CDH12: variants seen among roughly 807,000 people sequenced by gnomAD.
The protein encoded by CDH12 is cadherin-12.
Under a neutral mutation model 74.1 loss-of-function variants are expected in CDH12, and 41 were observed. That is an observed-to-expected ratio of 0.55 (90% CI 0.43 to 0.72). The LOEUF (loss-of-function observed/expected upper bound fraction) is 0.72, where lower values mean the gene tolerates loss of function less well. CDH12 is among the 30% of genes least tolerant of loss of function. The pLI, the probability that CDH12 is intolerant of heterozygous loss-of-function variation, is 0.00. For missense variants in CDH12, 945 were observed against 977.2 expected (o/e 0.97, Z 0.44); for synonymous variants, 399 against 355.0 (o/e 1.12, Z -1.39).
chr5:22,829,580 G>A (rs1259034579), intron 1 of CDH12, among the ~76,000 whole-genome samples: 2 of 152,188 alleles, frequency 1.3e-5, no homozygotes, highest in African/African-American at 4.8e-5. Context: ...GCTTGGCTAT[G>A]TGTCTTGTTT....
At chr5:22,132,098 T>C (rs912082835) in intron 4 of CDH12, among the ~76,000 whole-genome samples, 7 of 152,200 alleles carry the variant, frequency 4.6e-5, no homozygotes, top group African/African-American at 1.4e-4. Context: ...CCTCCCTCTC[T>C]GTCTCTATTT....
Position 22,078,342 on chromosome 5 carries a change from C to T in CDH12, c.231+104G>A. The T allele has an allele frequency of 4.3e-6, 4 of 933,010 alleles. No individual in the cohort carries two copies. The South Asian group carries it at 6.3e-5, about 15-fold the overall frequency. The allele number at this position is 933,010 out of a possible 1,614,324, so 57.8% of individuals were successfully genotyped here. The stretch of plus-strand genomic sequence containing the variant: ...TCTCTTGGATTTCAATTCCAGTGTT[C>T]TAGTCACTGGTTTGTTCAACTCCTG... On this transcript the variant is annotated intron_variant, in intron 5 of 14. Transcript: ENST00000382254.
At chr5:22,688,288 C>A (rs572336891) in intron 1 of CDH12, among the ~76,000 whole-genome samples, 7 of 152,110 alleles carry the variant, frequency 4.6e-5, no homozygotes, top group Admixed American at 2.6e-4. Flanking sequence ...AGAATAAAAT[C>A]GTTATTTGCC....
At chr5:21,883,458 A>T in intron 6 of CDH12, 1 of 1,610,900 alleles carries the variant, frequency 6.2e-7, no homozygotes, top group Admixed American at 1.7e-5. Flanking sequence ...CATCTTGAAT[A>T]GGCTAAAGGT....
intron 1 of CDH12, among the ~76,000 whole-genome samples, chr5:22,574,441 C>G (rs1014539658): frequency 6.6e-6 from 1 of 151,994 alleles, no homozygotes; most frequent in African/African-American, 2.4e-5. Flanking sequence ...TTACACTGTG[C>G]CATTTATCTG....
chr5:22,757,746 C>A (rs1580969695), intron 1 of CDH12, among the ~76,000 whole-genome samples: 1 of 152,138 alleles, frequency 6.6e-6, no homozygotes, highest in Non-Finnish European at 1.5e-5. Flanking sequence ...GCTTTGTCCT[C>A]CTCTCAATAA....
intron 2 of CDH12, 104 bp from the exon 3 acceptor site, chr5:22,405,455 T>C (rs990498823): frequency 1.8e-5 from 3 of 167,834 alleles, no homozygotes; most frequent in Non-Finnish European, 3.6e-5. Flanking sequence ...CACATCTCTA[T>C]GAAACTTTGA....
chr5:21,811,863 C>G (rs921871681), intron 9 of CDH12, among the ~76,000 whole-genome samples: 2 of 149,436 alleles, frequency 1.3e-5, no homozygotes, highest in Non-Finnish European at 2.9e-5. Flanking sequence ...TTCGAAGTGT[C>G]ACAGTGAAAT....
At chr5:22,245,917 A>G (rs1427518078) in intron 3 of CDH12, among the ~76,000 whole-genome samples, 1 of 152,128 alleles carries the variant, frequency 6.6e-6, no homozygotes, top group Admixed American at 6.5e-5. Context: ...TGGTAGAAAG[A>G]TTTATGACCT....
In CDH12 at chr5:21,751,749, A is replaced by G. The variant is rs772689581; in HGVS notation, c.2373T>C (p.Asp791=). 2.5e-6 allele frequency: 4 copies of G among 1,612,008 alleles called. No individual in the cohort carries two copies. Among genetic ancestry groups the G allele is most frequent in the Non-Finnish European group, 2.5e-6 (3 of 1,179,112 alleles). The change falls in exon 15 of 15, where the codon GAT becomes GAC. Residue 791 remains aspartate, a synonymous_variant. Coordinates refer to ENST00000382254, the MANE Select transcript of CDH12 (RefSeq NM_004061.5). ...MFGEEESYNP[D]KVT ...CTCCACGACTCCCTTAAGTGACTTTATCAGGGTTATAACTCTCTTCTTCGC... is the reference window on the plus strand; with the variant it reads ...CTCCACGACTCCCTTAAGTGACTTTGTCAGGGTTATAACTCTCTTCTTCGC...
chr5:22,596,807 T>C (rs925305783), intron 1 of CDH12, among the ~76,000 whole-genome samples: 2 of 152,182 alleles, frequency 1.3e-5, no homozygotes, highest in Non-Finnish European at 2.9e-5. Context: ...TCTGAAACAA[T>C]AGATCAGACA....
intron 6 of CDH12, among the ~76,000 whole-genome samples, chr5:21,912,359 G>A (rs1753894408): frequency 6.6e-6 from 1 of 150,744 alleles, no homozygotes; most frequent in Admixed American, 6.6e-5. Context: ...CTTACCCATC[G>A]CCTTTACATT....
intron 3 of CDH12, among the ~76,000 whole-genome samples, chr5:22,326,825 A>G (rs1739128671): frequency 6.6e-6 from 1 of 152,178 alleles, no homozygotes; most frequent in Non-Finnish European, 1.5e-5. Context: ...ACTTCAAAAT[A>G]TCCAAAAGGC....
chr5:22,495,006 T>C (rs1747044042), intron 2 of CDH12, among the ~76,000 whole-genome samples: 1 of 152,230 alleles, frequency 6.6e-6, no homozygotes, highest in South Asian at 2.1e-4. Context: ...CTTGCACTTC[T>C]GAAGAAATAC....
chr5:22,271,448 G>A (rs1054060927), intron 3 of CDH12, among the ~76,000 whole-genome samples: 1 of 152,120 alleles, frequency 6.6e-6, no homozygotes, highest in African/African-American at 2.4e-5. Context: ...ATGAGGTTGG[G>A]AATTGACATC....
chr5:22,551,935 T>C (rs919308949), intron 1 of CDH12, among the ~76,000 whole-genome samples: 1 of 152,144 alleles, frequency 6.6e-6, no homozygotes, highest in African/African-American at 2.4e-5. Flanking sequence ...TCTTACATGA[T>C]ACACTTTAAA....
At chr5:22,123,975 AT>A (rs570656380) in intron 4 of CDH12, among the ~76,000 whole-genome samples, 2 of 149,512 alleles carry the variant, frequency 1.3e-5, no homozygotes, top group African/African-American at 4.9e-5. Flanking sequence ...TTTATTTTTT[AT>A]TTTTTTTCTG....
intron 6 of CDH12, 27 bp from the exon 7 acceptor site, chr5:21,854,817 G>A: frequency 1.3e-6 from 2 of 1,593,440 alleles, no homozygotes; most frequent in African/African-American, 1.4e-5. Flanking sequence ...TATCACTCTA[G>A]CATTTTTGTT....
At chr5:22,292,766 A>C (rs1737450160) in intron 3 of CDH12, among the ~76,000 whole-genome samples, 1 of 152,178 alleles carries the variant, frequency 6.6e-6, no homozygotes, top group African/African-American at 2.4e-5. Context: ...CTGAGGATGT[A>C]GAAAAACAAG....
Sources: gnomAD v4.1 joint callset for allele counts (sites outside exome capture counted in the v4.1 genomes callset) on GRCh38, gnomAD v4.1.1 for gene constraint, MANE v1.5 for transcripts, NCBI Gene and HGNC (gene_info 2026-07-23, HGNC 2026-07-21) for gene names.